Variants in GTF3C2 observed in about 807,000 individuals in gnomAD.
GTF3C2 encodes the protein general transcription factor 3C polypeptide 2.
Under a neutral mutation model 117.4 loss-of-function variants are expected in GTF3C2, and 17 were observed. The observed-to-expected ratio is 0.14, with a 90% CI of 0.10 to 0.22. The LOEUF (loss-of-function observed/expected upper bound fraction) is 0.22. Among genes scored for constraint, GTF3C2 ranks in the 10% least tolerant of loss-of-function variants. The pLI is 1.00. For synonymous variants in GTF3C2, 437 were observed against 427.0 expected (o/e 1.02, Z -0.29); for missense variants, 888 against 1,143.6 (o/e 0.78, Z 3.22).
chr2:27,336,375 G>A (rs1432204151), exon 8 of GTF3C2: 1 of 1,612,908 alleles, frequency 6.2e-7, no homozygotes, highest in Non-Finnish European at 8.5e-7. Flanking sequence ...CGGTCCCCCC[G>A]TGAAGAAGGA....
rs188263319 is a variant in GTF3C2, at chr2:27,350,215, C to T, written c.-25+6524G>A. On this transcript the variant is annotated intron_variant, in intron 1 of 18. Transcript: ENST00000264720. ...ATTCACTACACGGTATTAAACAGTT[C>T]ATATCAGAGGTTCACAAAGTGTGGC... 2.6e-5 allele frequency: 4 copies of T among 153,966 alleles called. No homozygotes were observed. In the Admixed American group the frequency reaches 2.6e-4, roughly 10 times the overall value. 9.5% of individuals were successfully genotyped at this position (153,966 alleles called of 1,614,324 possible). A position where few individuals can be genotyped will look rare whatever the true frequency, so the allele number is the denominator to read the frequency against.
chr2:27,330,326 G>A (rs1177840656), intron 12 of GTF3C2, among the ~76,000 whole-genome samples: 1 of 151,768 alleles, frequency 6.6e-6, no homozygotes, highest in East Asian at 1.9e-4. Flanking sequence ...AGCCAGTGTG[G>A]TGGTGTACAC....
chr2:27,350,451 G>A (rs994814113), intron 1 of GTF3C2: 231 of 985,434 alleles, frequency 2.3e-4, no homozygotes, highest in Non-Finnish European at 2.7e-4. Flanking sequence ...CAGTTGGTAG[G>A]AACAAGTGCT....
intron 1 of GTF3C2, among the ~76,000 whole-genome samples, chr2:27,343,944 C>G (rs749158698): frequency 7.8e-4 from 118 of 150,324 alleles, no homozygotes; most frequent in Non-Finnish European, 1.0e-3. Context: ...TGACAATAAA[C>G]AAGACAGACA....
At chr2:27,344,888 G>A (rs1174086777) in intron 1 of GTF3C2, among the ~76,000 whole-genome samples, 2 of 152,014 alleles carry the variant, frequency 1.3e-5, no homozygotes, top group African/African-American at 4.8e-5. Flanking sequence ...GGAAGGCTGA[G>A]ACAGGAGGAT....
intron 4 of GTF3C2, chr2:27,341,747 G>T: frequency 1.7e-6 from 1 of 577,592 alleles, no homozygotes; most frequent in Non-Finnish European, 3.1e-6. Flanking sequence ...CTCAATATAT[G>T]AATGAATAAT....
exon 19 of GTF3C2, chr2:27,326,046 A>T: frequency 2.7e-6 from 1 of 365,820 alleles, no homozygotes; most frequent in Non-Finnish European, 5.5e-6. Flanking sequence ...AGGAGTGTTC[A>T]AGTAGGGTCA....
chr2:27,352,536 T>C (rs930164311), intron 1 of GTF3C2, among the ~76,000 whole-genome samples: 8 of 152,200 alleles, frequency 5.3e-5, no homozygotes, highest in African/African-American at 1.7e-4. Flanking sequence ...TTCTTTTCTA[T>C]TGGCTCCTTC....
At chr2:27,351,187 G>A (rs777215646) in intron 1 of GTF3C2, among the ~76,000 whole-genome samples, 9 of 152,186 alleles carry the variant, frequency 5.9e-5, no homozygotes, top group African/African-American at 1.7e-4. Flanking sequence ...TGAAGAGGGC[G>A]GATCACCTAA....
intron 1 of GTF3C2, among the ~76,000 whole-genome samples, chr2:27,355,520 C>CA (rs760768422): frequency 0.11 from 13,560 of 128,268 alleles, 977 homozygotes; most frequent in African/African-American, 0.23. Context: ...AACTCCGTAT[C>CA]AAAAAAAAAA....
intron 1 of GTF3C2, among the ~76,000 whole-genome samples, chr2:27,353,031 T>G (rs538276870): frequency 6.6e-6 from 1 of 152,312 alleles, no homozygotes; most frequent in South Asian, 2.1e-4. Flanking sequence ...CAATTTAGTT[T>G]TAGTTTGCTT....
At position 27,337,605 on chromosome 2, in the gene GTF3C2, C is replaced by T. The variant is rs776278180; in HGVS notation, c.951-47G>A. 24 of 1,252,488 alleles carry T rather than the reference C, an allele frequency of 1.9e-5. No homozygotes were observed. The South Asian group carries it at 2.3e-4, about 12-fold the overall frequency. 77.6% of individuals were successfully genotyped at this position (1,252,488 alleles called of 1,614,324 possible). ...TAATGAAGGAGAGGGATTCTACAGC[C>T]GCACAGTCCAATAAAACTTTCTGTG... is the stretch of plus-strand genomic sequence containing the variant. On this transcript the variant is annotated intron_variant, in intron 5 of 18. Transcript: ENST00000264720.
At chr2:27,343,064 G>A in exon 3 of GTF3C2, 1 of 1,613,704 alleles carries the variant, frequency 6.2e-7, no homozygotes, top group South Asian at 1.1e-5. Flanking sequence ...GGCCTTTTGG[G>A]GCCTTTTCGT....
At chr2:27,354,804 T>C (rs1186913549) in intron 1 of GTF3C2, among the ~76,000 whole-genome samples, 1 of 152,176 alleles carries the variant, frequency 6.6e-6, no homozygotes, top group African/African-American at 2.4e-5. Flanking sequence ...ATTTATCTCA[T>C]TCTTCCTAAT....
At chr2:27,337,846 C>T (rs1680550306) in intron 5 of GTF3C2, 80 bp downstream of exon 5, 3 of 845,308 alleles carry the variant, frequency 3.5e-6, no homozygotes, top group Admixed American at 3.5e-5. Context: ...CTTCTCTTTC[C>T]CACGGCCCCA....
chr2:27,351,370 C>T (rs1042864180), intron 1 of GTF3C2, among the ~76,000 whole-genome samples: 20 of 152,078 alleles, frequency 1.3e-4, no homozygotes, highest in East Asian at 1.9e-4. Flanking sequence ...GCTGAGATCG[C>T]GCCACTGCAC....
Position 27,331,995 on chromosome 2 carries a change from A to T in GTF3C2, c.1732+1660T>A, listed in dbSNP as rs183594850. On this transcript the variant is annotated intron_variant, in intron 12 of 18. Coordinates refer to ENST00000264720, the Ensembl canonical transcript of GTF3C2. ...AACTACTTAATATTATTTGTAACTTATTTATAGTCTTTTTAATTCTAAAAG... is the reference window on the plus strand; with the variant it reads ...AACTACTTAATATTATTTGTAACTTTTTTATAGTCTTTTTAATTCTAAAAG... Among the ~76,000 whole-genome samples, 5 of 152,282 alleles carry T rather than the reference A, an allele frequency of 3.3e-5. No homozygotes were observed. The East Asian group carries it at 9.6e-4, about 29-fold the overall frequency.
chr2:27,339,416 A>G (rs994208957), intron 4 of GTF3C2, among the ~76,000 whole-genome samples: 14 of 150,890 alleles, frequency 9.3e-5, no homozygotes, highest in African/African-American at 3.4e-4. Context: ...TCTCAAAAAA[A>G]AAAAAAAAAA....
chr2:27,333,735 G>T, exon 12 of GTF3C2: 3 of 1,606,220 alleles, frequency 1.9e-6, no homozygotes, highest in Non-Finnish European at 2.6e-6. Context: ...ACACTCAGAG[G>T]GGTCTGTAGC....
Sources: allele counts gnomAD v4.1 joint callset (sites outside exome capture counted in the v4.1 genomes callset), GRCh38; gene constraint gnomAD v4.1.1; transcripts MANE v1.5; gene names NCBI Gene and HGNC (gene_info 2026-07-23, HGNC 2026-07-21).